ZC3H12B: variants seen among roughly 807,000 people sequenced by gnomAD.
ZC3H12B encodes the protein probable ribonuclease ZC3H12B.
A neutral mutation model predicts 43.9 loss-of-function variants in ZC3H12B; 7 were observed. That is an observed-to-expected ratio of 0.16 (90% CI 0.09 to 0.30). ZC3H12B has a LOEUF of 0.30. ZC3H12B is among the 10% of genes least tolerant of loss of function. ZC3H12B has a pLI of 1.00. For synonymous variants in ZC3H12B, 222 were observed against 241.7 expected (o/e 0.92, Z 0.76); for missense variants, 475 against 670.2 (o/e 0.71, Z 3.22).
chrX:65,314,587 A>T, the ZC3H12B span, among the ~76,000 whole-genome samples: 2 of 112,219 alleles, frequency 1.8e-5, no homozygotes, highest in Non-Finnish European at 3.8e-5. Flanking sequence ...AACAGAAAAC[A>T]TTCTCAGAGA....
chrX:65,220,739 A>G, the ZC3H12B span, among the ~76,000 whole-genome samples: 7 of 112,250 alleles, frequency 6.2e-5, no homozygotes, highest in African/African-American at 2.3e-4. Flanking sequence ...ATAGACAACA[A>G]CAAAATAATA....
chrX:65,118,281 G>C, the ZC3H12B span, among the ~76,000 whole-genome samples: 1 of 111,101 alleles, frequency 9.0e-6, no homozygotes, highest in East Asian at 2.8e-4. Context: ...CCTTGACATC[G>C]CACGTAAGTT....
intron 3 of ZC3H12B, among the ~76,000 whole-genome samples, chrX:65,458,431 T>C (rs1467824466): frequency 2.7e-5 from 3 of 111,567 alleles, no homozygotes; most frequent in Non-Finnish European, 5.6e-5. Flanking sequence ...ACACCACACT[T>C]ATTCCAAAAT....
At chrX:65,295,924 G>T in the ZC3H12B span, among the ~76,000 whole-genome samples, 157 of 111,097 alleles carry the variant, frequency 1.4e-3, no homozygotes, top group Admixed American at 4.1e-3. Flanking sequence ...AAAAATGCCA[G>T]CAAAAATATA....
rs149933064 is a variant in ZC3H12B, at chrX:65,409,556, CCACACACA to C, written n.407+10887_407+10894del. ...ATATATTTGGAAAAACCTAAAGACT[CCACACACA>C]CACACACACACACACACACACACAC... On this transcript the variant is annotated intron_variant and non_coding_transcript_variant, in intron 3 of 5. Transcript: ENST00000617377. Among the ~76,000 whole-genome samples, 174 of 87,651 alleles carry C rather than the reference CCACACACA, an allele frequency of 2.0e-3. 1 individual carries two copies. Among genetic ancestry groups the C allele is most frequent in the African/African-American group, 5.4e-3 (132 of 24,519 alleles). 76.1% of individuals were successfully genotyped at this position (87,651 alleles called of 115,157 possible). A position where few individuals can be genotyped will look rare whatever the true frequency, so the allele number is the denominator to read the frequency against.
At chrX:65,332,172 A>G in the ZC3H12B span, among the ~76,000 whole-genome samples, 1 of 109,939 alleles carries the variant, frequency 9.1e-6, no homozygotes, top group Non-Finnish European at 1.9e-5. Context: ...TTATAAGAGA[A>G]CCCTTAATCT....
chrX:65,260,483 G>T, the ZC3H12B span, among the ~76,000 whole-genome samples: 2 of 110,984 alleles, frequency 1.8e-5, no homozygotes, highest in Non-Finnish European at 3.8e-5. Flanking sequence ...TTATTACCTG[G>T]CTGTCAAAAT....
the ZC3H12B span, among the ~76,000 whole-genome samples, chrX:65,150,298 G>T: frequency 9.0e-6 from 1 of 110,727 alleles, no homozygotes; most frequent in South Asian, 3.8e-4. Flanking sequence ...TATTTTTTCA[G>T]CACCTACATC....
chrX:65,185,826 A>G, the ZC3H12B span: 1 of 111,572 alleles, frequency 9.0e-6, no homozygotes, highest in East Asian at 2.8e-4. Context: ...ACCATTCTTG[A>G]TAACCAAATC....
chrX:65,234,867 G>A, the ZC3H12B span, among the ~76,000 whole-genome samples: 1 of 111,297 alleles, frequency 9.0e-6, no homozygotes, highest in South Asian at 3.8e-4. Flanking sequence ...TCTCCAGAAA[G>A]GCCCCAGTGT....
intron 3 of ZC3H12B, among the ~76,000 whole-genome samples, chrX:65,455,299 A>G (rs1187418773): frequency 2.7e-5 from 3 of 112,646 alleles, no homozygotes; most frequent in Non-Finnish European, 5.6e-5. Flanking sequence ...GATGGAGCTG[A>G]AAACCACAGC....
the ZC3H12B span, among the ~76,000 whole-genome samples, chrX:65,301,980 A>T: frequency 2.2e-4 from 23 of 106,527 alleles, no homozygotes; most frequent in East Asian, 2.6e-3. Flanking sequence ...TTTATGATTT[A>T]AAAAAAAAAA....
At position 65,384,614 on chromosome X, in the gene ZC3H12B, G is replaced by A. The variant is rs373919393; in HGVS notation, n.296-13979G>A. The stretch of plus-strand genomic sequence containing the variant: ...CTATTGCTATAGTTTAAAAAAAATG[G>A]CAGGAGTAATTCTTTGCTTATCATT... On this transcript the variant is annotated intron_variant and non_coding_transcript_variant, in intron 2 of 5. Transcript: ENST00000617377. Among the ~76,000 whole-genome samples, 3 of 110,953 alleles carry A rather than the reference G, an allele frequency of 2.7e-5. No homozygotes were observed. In the South Asian group the frequency reaches 1.1e-3, roughly 42 times the overall value.
At chrX:65,477,232 C>G (rs763062529) in intron 3 of ZC3H12B, among the ~76,000 whole-genome samples, 2 of 109,319 alleles carry the variant, frequency 1.8e-5, no homozygotes, top group South Asian at 4.0e-4. Context: ...TCTAGGGGAT[C>G]CAAGGCAGGG....
chrX:65,257,216 A>G, the ZC3H12B span, among the ~76,000 whole-genome samples: 363 of 112,274 alleles, frequency 3.2e-3, 2 homozygotes, highest in African/African-American at 0.011. Flanking sequence ...ATGTCCATCA[A>G]TGATATACTG....
the ZC3H12B span, among the ~76,000 whole-genome samples, chrX:65,084,138 C>T: frequency 8.9e-6 from 1 of 111,930 alleles, no homozygotes; most frequent in Non-Finnish European, 1.9e-5. Flanking sequence ...AATCTAAGAC[C>T]TCAAAATATG....
chrX:65,434,112 T>C (rs911433979), intron 3 of ZC3H12B, among the ~76,000 whole-genome samples: 1 of 111,895 alleles, frequency 8.9e-6, no homozygotes, highest in Non-Finnish European at 1.9e-5. Context: ...GTGCTGCTAC[T>C]TGGCTCCTGC....
the ZC3H12B span, among the ~76,000 whole-genome samples, chrX:65,193,961 C>T: frequency 3.6e-5 from 4 of 110,793 alleles, no homozygotes; most frequent in African/African-American, 1.3e-4. Flanking sequence ...TCAATCATGG[C>T]AGAAGGCAAA....
chrX:65,423,463 T>G (rs1403843790), intron 3 of ZC3H12B, among the ~76,000 whole-genome samples: 1 of 112,345 alleles, frequency 8.9e-6, no homozygotes, highest in East Asian at 2.8e-4. Context: ...TTGAGCTAAT[T>G]TACACATCCA....
Sources: gnomAD v4.1 joint callset for allele counts (sites outside exome capture counted in the v4.1 genomes callset) on GRCh38, gnomAD v4.1.1 for gene constraint, MANE v1.5 for transcripts, NCBI Gene and HGNC (gene_info 2026-07-23, HGNC 2026-07-21) for gene names.